RB1: variants seen among roughly 807,000 people sequenced by gnomAD.
RB1 encodes the protein RB transcriptional corepressor 1.
In RB1, 18 loss-of-function variants were observed where a neutral mutation model predicts 135.4. That is an observed-to-expected ratio of 0.13 (90% CI 0.09 to 0.20). The LOEUF (loss-of-function observed/expected upper bound fraction) is 0.20, where lower values mean the gene tolerates loss of function less well. RB1 is among the 10% of genes least tolerant of loss of function. The pLI, the probability that RB1 is intolerant of heterozygous loss-of-function variation, is 1.00. For synonymous variants in RB1, 365 were observed against 373.2 expected, an observed-to-expected ratio of 0.98 and a Z score of 0.25; for missense variants, 868 against 1,110.0, an observed-to-expected ratio of 0.78 and a Z score of 3.10.
At chr13:48,358,760 G>A (rs1034736654) in intron 6 of RB1, among the ~76,000 whole-genome samples, 55 of 152,054 alleles carry the variant, frequency 3.6e-4, no homozygotes, top group African/African-American at 1.3e-3. Flanking sequence ...TACCGTTTGA[G>A]TTAGTCTCGC....
chr13:48,343,422 C>T (rs988233258), intron 3 of RB1, among the ~76,000 whole-genome samples: 2 of 151,990 alleles, frequency 1.3e-5, no homozygotes, highest in East Asian at 3.9e-4. Context: ...TTTATTTAAA[C>T]GAGATAGATT....
chr13:48,308,662 C>CA (rs1164134702), intron 2 of RB1, among the ~76,000 whole-genome samples: 4 of 150,148 alleles, frequency 2.7e-5, no homozygotes, highest in African/African-American at 4.9e-5. Context: ...AAAAAAAAAA[C>CA]AAAAAAAACC....
chr13:48,462,302 T>C (rs1949411117), intron 20 of RB1, among the ~76,000 whole-genome samples: 1 of 151,862 alleles, frequency 6.6e-6, no homozygotes, highest in Admixed American at 6.6e-5. Flanking sequence ...TTTTGTATTT[T>C]TTTGTACAGA....
At chr13:48,437,888 T>C (rs1949200075) in intron 17 of RB1, among the ~76,000 whole-genome samples, 1 of 152,182 alleles carries the variant, frequency 6.6e-6, no homozygotes, top group African/African-American at 2.4e-5. Context: ...ATTGGGGTGA[T>C]CTTGGAGGCT....
intron 17 of RB1, chr13:48,412,001 C>G (rs766689904): frequency 6.2e-7 from 1 of 1,610,048 alleles, no homozygotes. Context: ...TCACAGTTAA[C>G]CACACGCCAG....
At position 48,303,756 on chromosome 13, in the gene RB1, C is replaced by T. The variant is rs1433895904; in HGVS notation, c.-157C>T. On this transcript the variant is annotated 5_prime_UTR_variant, in exon 1 of 27. Coordinates refer to ENST00000267163, the MANE Select transcript of RB1 (RefSeq NM_000321.3). ...CGCGGTTGGACGCGGCGCTCAGTTG[C>T]CGGGCGGGGGAGGGCGCGTCCGGTT... The T allele has an allele frequency of 8.3e-7, 1 of 1,197,690 alleles. No individual in the cohort carries two copies. The highest frequency in any genetic ancestry group is 1.1e-6 in the Non-Finnish European group (1 of 896,096). 74.2% of individuals were successfully genotyped at this position (1,197,690 alleles called of 1,614,324 possible).
chr13:48,400,712 G>C (rs1391973662), intron 17 of RB1, among the ~76,000 whole-genome samples: 2 of 152,040 alleles, frequency 1.3e-5, no homozygotes, highest in Non-Finnish European at 2.9e-5. Context: ...TGTATCTCAG[G>C]TTTCCTTGTA....
At chr13:48,473,492 C>A in intron 24 of RB1, 102 bp downstream of exon 24, 1 of 965,408 alleles carries the variant, frequency 1.0e-6, no homozygotes. Flanking sequence ...TATTCAAACA[C>A]CTCATCCAGG....
rs775560197 is a variant in RB1 at position 48,307,307 on chromosome 13, T to A, written c.165T>A (p.Pro55=). 4 of 1,609,278 alleles carry A rather than the reference T, an allele frequency of 2.5e-6. 1 individual carries two copies. The Admixed American group carries it at 6.7e-5, about 27-fold the overall frequency. ...TTGAGTTTGAAGAAACAGAAGAACC[T>A]GATTTTACTGCATTATGTCAGAAAT... ...VRLEFEETEE[P]DFTALCQKLK... The change falls in exon 2 of 27, where the codon CCT becomes CCA. Residue 55 remains proline, a synonymous_variant. Transcript: ENST00000267163.
At chr13:48,404,776 C>T (rs768353470) in intron 17 of RB1, among the ~76,000 whole-genome samples, 3 of 151,990 alleles carry the variant, frequency 2.0e-5, no homozygotes, top group South Asian at 4.1e-4. Context: ...CCGCCTGCCT[C>T]GGCCTCCCAA....
At chr13:48,342,863 T>C in intron 3 of RB1, 149 bp downstream of exon 3, 1 of 625,494 alleles carries the variant, frequency 1.6e-6, no homozygotes, top group South Asian at 1.9e-5. Flanking sequence ...TGCCATTCTC[T>C]CATGGAGCCG....
chr13:48,325,165 G>T (rs1442168231), intron 2 of RB1, among the ~76,000 whole-genome samples: 2 of 151,970 alleles, frequency 1.3e-5, no homozygotes, highest in Non-Finnish European at 2.9e-5. Context: ...AGTGTGTCTT[G>T]TTCCCCTGTG....
intron 1 of RB1, among the ~76,000 whole-genome samples, chr13:48,305,712 A>G (rs1952075454): frequency 1.3e-5 from 2 of 152,240 alleles, no homozygotes; most frequent in South Asian, 4.1e-4. Flanking sequence ...ATACCCACAA[A>G]GGGTTTCATT....
At chr13:48,372,259 A>G (rs1272095032) in intron 11 of RB1, among the ~76,000 whole-genome samples, 1 of 152,236 alleles carries the variant, frequency 6.6e-6, no homozygotes, top group Non-Finnish European at 1.5e-5. Flanking sequence ...ATTAGAACAA[A>G]TGAGAAAAGT....
intron 2 of RB1, among the ~76,000 whole-genome samples, chr13:48,326,629 A>G (rs1952289871): frequency 6.6e-6 from 1 of 152,126 alleles, no homozygotes; most frequent in East Asian, 1.9e-4. Flanking sequence ...CCATTGTTTT[A>G]CCTGGGGCTT....
At chr13:48,457,379 C>T (rs540356942) in intron 19 of RB1, among the ~76,000 whole-genome samples, 54 of 152,316 alleles carry the variant, frequency 3.5e-4, no homozygotes, top group Non-Finnish European at 7.3e-5. Flanking sequence ...CTAGTTGTCT[C>T]TCCATCCTCT....
At chr13:48,317,400 GGT>G (rs1424162907) in intron 2 of RB1, 1 of 384,108 alleles carries the variant, frequency 2.6e-6, no homozygotes, top group Non-Finnish European at 4.7e-6. Flanking sequence ...GGTTCCGGTG[GGT>G]GAAGTCGCTC....
At chr13:48,311,782 T>C (rs1952132803) in intron 2 of RB1, among the ~76,000 whole-genome samples, 1 of 152,254 alleles carries the variant, frequency 6.6e-6, no homozygotes. Flanking sequence ...CTCGGCTCAC[T>C]GCAACCTCTG....
chr13:48,396,578 T>C (rs1019819559), intron 17 of RB1, among the ~76,000 whole-genome samples: 2 of 152,278 alleles, frequency 1.3e-5, no homozygotes, highest in Non-Finnish European at 2.9e-5. Flanking sequence ...ATTCAGGACA[T>C]AGGCATGGGC....
Sources: gnomAD v4.1 joint callset for allele counts (sites outside exome capture counted in the v4.1 genomes callset) on GRCh38, gnomAD v4.1.1 for gene constraint, MANE v1.5 for transcripts, NCBI Gene and HGNC (gene_info 2026-07-23, HGNC 2026-07-21) for gene names.